YAE1: variants seen among roughly 807,000 people sequenced by gnomAD.
YAE1 encodes YAE1 maturation factor of ABCE1.
YAE1 carries 22 observed loss-of-function variants against 23.0 expected under a neutral mutation model. The observed-to-expected ratio is 0.96, with a 90% CI of 0.68 to 1.37. The LOEUF (loss-of-function observed/expected upper bound fraction) is 1.37. YAE1 is among the 40% of genes most tolerant of loss of function. The pLI is 0.00. For missense variants in YAE1, 260 were observed against 262.1 expected, an observed-to-expected ratio of 0.99 and a Z score of 0.06; for synonymous variants, 101 against 97.0, an observed-to-expected ratio of 1.04 and a Z score of -0.24.
At chr7:39,579,294 C>A (rs1241194468) in intron 2 of YAE1, among the ~76,000 whole-genome samples, 2 of 152,156 alleles carry the variant, frequency 1.3e-5, no homozygotes, top group African/African-American at 4.8e-5. Context: ...AGATTTAAAC[C>A]AAGGCAAGCC....
chr7:39,610,661 G>T (rs772976312), downstream of YAE1, among the ~76,000 whole-genome samples: 3 of 152,168 alleles, frequency 2.0e-5, no homozygotes, highest in Non-Finnish European at 2.9e-5. Context: ...ATTATGGTTT[G>T]TATTGTGCAA....
intron 2 of YAE1, among the ~76,000 whole-genome samples, chr7:39,597,052 A>G (rs1477860128): frequency 6.6e-6 from 1 of 152,238 alleles, no homozygotes; most frequent in Non-Finnish European, 1.5e-5. Context: ...CATGATGACT[A>G]TGGCATTTGC....
intron 2 of YAE1, among the ~76,000 whole-genome samples, chr7:39,583,393 CA>C (rs1034212155): frequency 3.9e-5 from 6 of 152,068 alleles, no homozygotes; most frequent in South Asian, 4.1e-4. Context: ...ACTCTTAGCC[CA>C]ATTGAGTTAT....
chr7:39,605,366 A>T (rs1026071378), intron 2 of YAE1, among the ~76,000 whole-genome samples: 1 of 152,232 alleles, frequency 6.6e-6, no homozygotes, highest in Non-Finnish European at 1.5e-5. Flanking sequence ...TGACATTAAC[A>T]TTTGAATCAG....
chr7:39,575,537 GGAGAGAGAGAGAGAGA>G (rs56954676), downstream of YAE1, among the ~76,000 whole-genome samples: 384 of 131,282 alleles, frequency 2.9e-3, no homozygotes, highest in Middle Eastern at 3.8e-3. Context: ...CTAAGATACA[GGAGAGAGAGAGAGAGA>G]GAGAGAGAGA....
At chr7:39,575,827 C>A (rs887384435), downstream of YAE1, among the ~76,000 whole-genome samples, 5 of 152,226 alleles carry the variant, frequency 3.3e-5, no homozygotes, top group African/African-American at 1.2e-4. Context: ...GCCAGTCACA[C>A]AACTGTCCAT....
At chr7:39,607,750 C>T (rs1482102928) in intron 2 of YAE1, among the ~76,000 whole-genome samples, 1 of 152,214 alleles carries the variant, frequency 6.6e-6, no homozygotes, top group Non-Finnish European at 1.5e-5. Flanking sequence ...CTCACTGCCA[C>T]CTCTGCCTCC....
intron 2 of YAE1, among the ~76,000 whole-genome samples, chr7:39,571,256 CATG>C (rs1361846903): frequency 1.3e-5 from 2 of 149,592 alleles, no homozygotes; most frequent in Non-Finnish European, 3.0e-5. Flanking sequence ...AAATTTTTTT[CATG>C]ATATTTTTTC....
intron 2 of YAE1, among the ~76,000 whole-genome samples, chr7:39,606,533 A>T (rs1172452611): frequency 6.6e-6 from 1 of 152,226 alleles, no homozygotes; most frequent in Non-Finnish European, 1.5e-5. Context: ...GTGCTGTATA[A>T]ATCTACTCCA....
chr7:39,579,729 A>AT (rs977843412), intron 2 of YAE1, among the ~76,000 whole-genome samples: 2 of 151,688 alleles, frequency 1.3e-5, no homozygotes, highest in Admixed American at 1.3e-4. Flanking sequence ...AGCAAGTATT[A>AT]TTTTTATTTT....
chr7:39,593,068 G>A (rs1442531244), intron 2 of YAE1, among the ~76,000 whole-genome samples: 1 of 149,550 alleles, frequency 6.7e-6, no homozygotes, highest in African/African-American at 2.5e-5. Context: ...ATTTTCAAGG[G>A]TACTAGTTCT....
intron 1 of YAE1, chr7:39,569,972 A>T: frequency 7.5e-7 from 1 of 1,341,670 alleles, no homozygotes; most frequent in Non-Finnish European, 1.1e-6. Flanking sequence ...CATTAACCTC[A>T]GATCTTCTCC....
chr7:39,590,498 T>C (rs535085407), intron 2 of YAE1, among the ~76,000 whole-genome samples: 62 of 152,298 alleles, frequency 4.1e-4, no homozygotes, highest in African/African-American at 1.4e-3. Context: ...TTATCCAAAA[T>C]GCTTAGGACC....
chr7:39,570,246 G>T (rs779232172), intron 1 of YAE1: 169 of 632,992 alleles, frequency 2.7e-4, no homozygotes, highest in Non-Finnish European at 1.8e-4. Flanking sequence ...CCAACACTAG[G>T]TTTTTTAAAA....
chr7:39,577,722 G>A (rs1045939702), downstream of YAE1, among the ~76,000 whole-genome samples: 10 of 152,138 alleles, frequency 6.6e-5, no homozygotes, highest in South Asian at 2.1e-4. Context: ...CCTCCCCAAC[G>A]AGCACCACCC....
At chr7:39,574,562 G>T (rs554595139), downstream of YAE1, among the ~76,000 whole-genome samples, 1,449 of 152,034 alleles carry the variant, frequency 9.5e-3, 18 homozygotes, top group African/African-American at 0.033. Context: ...GTGAAACCCC[G>T]TCTCTGCTAA....
chr7:39,570,870 G>T, intron 2 of YAE1: 1 of 408,404 alleles, frequency 2.4e-6, no homozygotes, highest in Non-Finnish European at 4.2e-6. Flanking sequence ...GTATACTTCT[G>T]CTACCTGAAC....
At chr7:39,589,135 A>G (rs1484494731) in intron 2 of YAE1, among the ~76,000 whole-genome samples, 1 of 151,648 alleles carries the variant, frequency 6.6e-6, no homozygotes, top group Non-Finnish European at 1.5e-5. Flanking sequence ...TTTAGTTTCA[A>G]TTTAAAACAA....
At chr7:39,594,813 C>G (rs932063762) in intron 2 of YAE1, among the ~76,000 whole-genome samples, 1 of 152,156 alleles carries the variant, frequency 6.6e-6, no homozygotes, top group African/African-American at 2.4e-5. Flanking sequence ...CCAGGCTGAT[C>G]TCAAACTTCT....
Sources: allele counts gnomAD v4.1 joint callset (sites outside exome capture counted in the v4.1 genomes callset), GRCh38; gene constraint gnomAD v4.1.1; transcripts MANE v1.5; gene names NCBI Gene and HGNC (gene_info 2026-07-23, HGNC 2026-07-21).